The following GRIN2B variants were observed in gnomAD, a reference collection of about 807,000 sequenced individuals.
The protein encoded by GRIN2B is glutamate receptor ionotropic, NMDA 2B.
In GRIN2B, 5 loss-of-function variants were observed where a neutral mutation model predicts 114.5. The observed-to-expected ratio is 0.04, with a 90% CI of 0.02 to 0.09. The LOEUF (loss-of-function observed/expected upper bound fraction) is 0.09, where lower values mean the gene tolerates loss of function less well. Ranked by LOEUF, GRIN2B falls within the 10% of genes least tolerant of loss-of-function variation. GRIN2B has a pLI of 1.00. For missense variants in GRIN2B, 1,108 were observed against 1,943.5 expected, an observed-to-expected ratio of 0.57 and a Z score of 8.08; for synonymous variants, 787 against 745.1, an observed-to-expected ratio of 1.06 and a Z score of -0.92.
Position 13,818,458 on chromosome 12 carries a change from A to G in GRIN2B, c.411+47340T>C, listed in dbSNP as rs1864870838. On this transcript the variant is annotated intron_variant, in intron 3 of 13. Coordinates refer to ENST00000609686, the MANE Select transcript of GRIN2B (RefSeq NM_000834.5). Reference sequence around the variant, plus strand: ...TAGAGGCAAGGCAGGATTTATTTTTAAGAAGGGGTGTTATTTCAGTCTAAG... The same window carrying G: ...TAGAGGCAAGGCAGGATTTATTTTTGAGAAGGGGTGTTATTTCAGTCTAAG... 3.3e-5 allele frequency among the ~76,000 whole-genome samples: 5 copies of G among 152,206 alleles called. No homozygotes were observed. The South Asian group carries it at 1.0e-3, about 31-fold the overall frequency.
chr12:13,792,727 A>T (rs1003439281), intron 3 of GRIN2B, among the ~76,000 whole-genome samples: 2 of 151,716 alleles, frequency 1.3e-5, no homozygotes, highest in Non-Finnish European at 2.9e-5. Flanking sequence ...CACCTGACAG[A>T]AGCAGCAGCC....
At chr12:13,958,995 C>T (rs1390727303) in intron 2 of GRIN2B, among the ~76,000 whole-genome samples, 1 of 152,094 alleles carries the variant, frequency 6.6e-6, no homozygotes, top group Non-Finnish European at 1.5e-5. Flanking sequence ...AAGAAACATA[C>T]ACATTTGGAT....
intron 10 of GRIN2B, among the ~76,000 whole-genome samples, chr12:13,589,686 A>G (rs1376780305): frequency 6.6e-6 from 1 of 152,252 alleles, no homozygotes; most frequent in Non-Finnish European, 1.5e-5. Context: ...ACATCATTAC[A>G]TTCTACTTGC....
intron 10 of GRIN2B, among the ~76,000 whole-genome samples, chr12:13,582,831 T>C (rs1276124808): frequency 6.6e-6 from 1 of 152,184 alleles, no homozygotes. Flanking sequence ...AAACACCAGT[T>C]CTTCAGATTC....
intron 2 of GRIN2B, among the ~76,000 whole-genome samples, chr12:13,916,712 T>TACACACACACACACAC (rs1156830012): frequency 5.2e-5 from 5 of 96,906 alleles, no homozygotes; most frequent in African/African-American, 1.9e-4. Flanking sequence ...CATATACATA[T>TACACACACACACACAC]ACACACACAC....
At chr12:13,662,996 G>A (rs1011117675) in intron 5 of GRIN2B, among the ~76,000 whole-genome samples, 8 of 152,100 alleles carry the variant, frequency 5.3e-5, no homozygotes, top group Non-Finnish European at 1.2e-4. Flanking sequence ...ATGTTTTATA[G>A]GTCAAAACTC....
At chr12:13,916,862 A>G (rs1272271402) in intron 2 of GRIN2B, among the ~76,000 whole-genome samples, 3 of 151,930 alleles carry the variant, frequency 2.0e-5, no homozygotes. Context: ...GGTGCACACA[A>G]GACATCTGGG....
At chr12:13,812,161 G>A (rs1250529884) in intron 3 of GRIN2B, among the ~76,000 whole-genome samples, 6 of 152,008 alleles carry the variant, frequency 3.9e-5, no homozygotes, top group South Asian at 4.1e-4. Context: ...CATAAAAATC[G>A]ATTGAACAAA....
Position 13,753,340 on chromosome 12 carries a change from G to A in GRIN2B, c.987C>T (p.Ile329=). The change falls in exon 4 of 14, where the codon ATC becomes ATT. Residue 329 remains isoleucine, a synonymous_variant. Coordinates refer to ENST00000609686, the MANE Select transcript of GRIN2B (RefSeq NM_000834.5). The surrounding 1 kb of genome is among the most constrained non-coding windows in gnomAD (Gnocchi z 6.2). The stretch of plus-strand genomic sequence containing the variant: ...ACCTATTTAGCATATTGGACTGGTA[G>A]ATTCTCTTCTCGTGGGTGTTGTAAC... ...SSCYNTHEKR[I]YQSNMLNRYL... is the part of the protein sequence containing the mutation. 5 of 1,600,184 alleles carry A rather than the reference G, an allele frequency of 3.1e-6. No individual in the cohort carries two copies. Among genetic ancestry groups the A allele is most frequent in the Non-Finnish European group, 4.3e-6 (5 of 1,167,296 alleles).
At chr12:13,621,638 T>TTC (rs1394063046) in intron 5 of GRIN2B, among the ~76,000 whole-genome samples, 31 of 141,202 alleles carry the variant, frequency 2.2e-4, no homozygotes, top group Admixed American at 2.8e-4. Context: ...TTTTTTTTTT[T>TTC]TTCAGAAAAA....
intron 2 of GRIN2B, among the ~76,000 whole-genome samples, chr12:13,927,499 T>C (rs758627199): frequency 6.6e-6 from 1 of 152,112 alleles, no homozygotes. Flanking sequence ...AACAAGCAGA[T>C]GTGGCTGTGT....
chr12:13,668,571 A>C (rs146779454), intron 5 of GRIN2B, among the ~76,000 whole-genome samples: 1 of 152,208 alleles, frequency 6.6e-6, no homozygotes, highest in African/African-American at 2.4e-5. Context: ...GTGAACAAGG[A>C]AACATCTGGA....
chr12:13,914,924 G>A (rs1182806787), intron 2 of GRIN2B, among the ~76,000 whole-genome samples: 2 of 152,078 alleles, frequency 1.3e-5, no homozygotes, highest in East Asian at 1.9e-4. Context: ...GAAGGGTAGA[G>A]GAAAGAGGGG....
chr12:13,573,241 G>T (rs965694309), intron 10 of GRIN2B, among the ~76,000 whole-genome samples: 18 of 149,358 alleles, frequency 1.2e-4, no homozygotes, highest in Admixed American at 6.6e-5. Context: ...CACGAGGTCA[G>T]GAGATCGAGA....
intron 4 of GRIN2B, among the ~76,000 whole-genome samples, chr12:13,698,270 A>G (rs892431091): frequency 1.3e-5 from 2 of 152,252 alleles, no homozygotes; most frequent in African/African-American, 4.8e-5. Flanking sequence ...AACGTCTCCA[A>G]ATCCCAGCAA....
At chr12:13,881,898 C>A (rs576626939) in intron 2 of GRIN2B, among the ~76,000 whole-genome samples, 1 of 152,272 alleles carries the variant, frequency 6.6e-6, no homozygotes, top group South Asian at 2.1e-4. Context: ...TTGACAGGAA[C>A]ATACCTGATT....
At chr12:13,766,963 T>C (rs1863803060) in intron 3 of GRIN2B, among the ~76,000 whole-genome samples, 1 of 152,088 alleles carries the variant, frequency 6.6e-6, no homozygotes, top group Non-Finnish European at 1.5e-5. Context: ...CTCACACAAG[T>C]AGCCTAATGT....
At chr12:13,741,295 G>T (rs1302285121) in intron 4 of GRIN2B, among the ~76,000 whole-genome samples, 4 of 152,160 alleles carry the variant, frequency 2.6e-5, no homozygotes, top group African/African-American at 4.8e-5. Flanking sequence ...CTTCCAAAGT[G>T]CTGGGATTAC....
intron 2 of GRIN2B, among the ~76,000 whole-genome samples, chr12:13,947,849 C>T (rs777888987): frequency 3.3e-5 from 5 of 152,182 alleles, no homozygotes; most frequent in Non-Finnish European, 7.4e-5. Context: ...CTCCAACTCA[C>T]TTCCATAACG....
Sources: allele counts gnomAD v4.1 joint callset (sites outside exome capture counted in the v4.1 genomes callset), GRCh38; gene constraint gnomAD v4.1.1; non-coding constraint Gnocchi (gnomAD v3.1); transcripts MANE v1.5; gene names NCBI Gene and HGNC (gene_info 2026-07-23, HGNC 2026-07-21).